Variants in SGIP1 observed in about 807,000 individuals in gnomAD.
SGIP1 encodes the protein SH3GL interacting endocytic adaptor 1, also known as SH3-containing GRB2-like protein 3-interacting protein 1.
Under a neutral mutation model 107.5 loss-of-function variants are expected in SGIP1, and 38 were observed. That is an observed-to-expected ratio of 0.35 (90% CI 0.27 to 0.46). SGIP1 has a LOEUF of 0.46. Among genes scored for constraint, SGIP1 ranks in the 20% least tolerant of loss-of-function variants. The pLI, the probability that SGIP1 is intolerant of heterozygous loss-of-function variation, is 1.00. For synonymous variants in SGIP1, 365 were observed against 366.1 expected (o/e 1.00, Z 0.03); for missense variants, 929 against 1,019.5 (o/e 0.91, Z 1.21).
chr1:66,609,756 G>C (rs1241455299), intron 1 of SGIP1, among the ~76,000 whole-genome samples: 1 of 152,178 alleles, frequency 6.6e-6, no homozygotes, highest in Non-Finnish European at 1.5e-5. Context: ...ACCTGACTAG[G>C]ATGCTAGCAA....
chr1:66,547,996 T>G (rs1006683173), intron 1 of SGIP1, among the ~76,000 whole-genome samples: 3 of 152,000 alleles, frequency 2.0e-5, no homozygotes, highest in African/African-American at 7.3e-5. Context: ...GAAGCCAGCA[T>G]GGCCAGAGAC....
intron 7 of SGIP1, 110 bp from the exon 8 acceptor site, chr1:66,660,403 A>C: frequency 4.5e-5 from 45 of 995,814 alleles, no homozygotes; most frequent in Non-Finnish European, 6.7e-5. Context: ...AGTGCCTTCG[A>C]GAGCTCCCTT....
intron 1 of SGIP1, among the ~76,000 whole-genome samples, chr1:66,548,193 A>G (rs138491250): frequency 1.4e-4 from 21 of 152,284 alleles, no homozygotes; most frequent in Admixed American, 1.3e-4. Context: ...GATGGACTTT[A>G]GTAGCTACAG....
intron 1 of SGIP1, among the ~76,000 whole-genome samples, chr1:66,612,641 T>C (rs1039730043): frequency 6.6e-6 from 1 of 152,242 alleles, no homozygotes; most frequent in African/African-American, 2.4e-5. Flanking sequence ...TTTTCTCATT[T>C]AATACAATAA....
intron 3 of SGIP1, among the ~76,000 whole-genome samples, chr1:66,633,622 T>G (rs2075235672): frequency 6.6e-6 from 1 of 152,222 alleles, no homozygotes; most frequent in Admixed American, 6.5e-5. Context: ...TGGGTTTAGA[T>G]TTAACAGTTA....
chr1:66,673,565 C>T (rs1459293326), intron 12 of SGIP1, among the ~76,000 whole-genome samples, 199 bp downstream of exon 12: 1 of 152,170 alleles, frequency 6.6e-6, no homozygotes, highest in Non-Finnish European at 1.5e-5. Flanking sequence ...TGAAACTTTA[C>T]TTCCAGAAAT....
chr1:66,617,630 T>C (rs1240993955), intron 1 of SGIP1, among the ~76,000 whole-genome samples: 1 of 152,230 alleles, frequency 6.6e-6, no homozygotes, highest in Non-Finnish European at 1.5e-5. Flanking sequence ...TTCCATTACA[T>C]GTGATTCACC....
At chr1:66,544,617 A>G (rs1008563848) in intron 1 of SGIP1, among the ~76,000 whole-genome samples, 1 of 152,154 alleles carries the variant, frequency 6.6e-6, no homozygotes, top group African/African-American at 2.4e-5. Flanking sequence ...TGAACCTTGG[A>G]AGCGGAGGCT....
chr1:66,733,383 A>C (rs1465385466), intron 20 of SGIP1, among the ~76,000 whole-genome samples: 1 of 152,204 alleles, frequency 6.6e-6, no homozygotes, highest in Non-Finnish European at 1.5e-5. Context: ...TCAGTTCCTT[A>C]ATTGCCTTAA....
At position 66,667,533 on chromosome 1, in the gene SGIP1, C is replaced by T. The variant is rs556202457; in HGVS notation, c.475C>T (p.Arg159Cys). ...TCTTCCTTTTTGCTGATCACAGAGGCGCAGCCCGGTAAGAACTCTCAACAT... is the reference window on the plus strand; with the variant it reads ...TCTTCCTTTTTGCTGATCACAGAGGTGCAGCCCGGTAAGAACTCTCAACAT... ...SPSPVRKSPR[R>C]SPGAIKRNLS... is the part of the protein sequence containing the mutation. The change falls in exon 9 of 25, where the codon CGC (arginine) becomes TGC (cysteine). Residue 159 changes from arginine to cysteine, a missense_variant. Coordinates refer to ENST00000371037, the MANE Select transcript of SGIP1 (RefSeq NM_032291.4). 3.7e-5 allele frequency: 60 copies of T among 1,613,674 alleles called. No individual in the cohort carries two copies. The highest frequency in any genetic ancestry group is 1.7e-4 in the Middle Eastern group (1 of 6,058).
At chr1:66,547,565 G>A (rs1315199913) in intron 1 of SGIP1, among the ~76,000 whole-genome samples, 1 of 152,156 alleles carries the variant, frequency 6.6e-6, no homozygotes, top group African/African-American at 2.4e-5. Context: ...GAAGAACAGA[G>A]CTCGTCGCAC....
chr1:66,606,766 A>G (rs1434746667), intron 1 of SGIP1, among the ~76,000 whole-genome samples: 10 of 152,310 alleles, frequency 6.6e-5, no homozygotes, highest in Admixed American at 6.5e-4. Context: ...TAATGCAAAA[A>G]CTATATATAT....
Position 66,535,999 on chromosome 1 carries a change from C to G in SGIP1, c.10+1631C>G, listed in dbSNP as rs1355726355. ...TCTTTTCACTTCTTGCCTTGCAAAC[C>G]ATGGCACTAAAGTATCTTCTTTGAA... On this transcript the variant is annotated intron_variant, in intron 1 of 24. Coordinates refer to ENST00000371037, the MANE Select transcript of SGIP1 (RefSeq NM_032291.4). Among the ~76,000 whole-genome samples the G allele has an allele frequency of 2.0e-5, 3 of 152,162 alleles. 1 individual carries two copies. The highest frequency in any genetic ancestry group is 4.4e-5 in the Non-Finnish European group (3 of 68,026).
intron 13 of SGIP1, among the ~76,000 whole-genome samples, chr1:66,677,684 C>T (rs1385733117): frequency 2.0e-5 from 3 of 152,170 alleles, no homozygotes. Context: ...TCCAGATAGC[C>T]GTTCACCGGT....
rs373835742 is a variant in SGIP1 at position 66,671,968 on chromosome 1, G to A, written c.533G>A (p.Arg178His). 96 of 1,614,018 alleles carry A rather than the reference G, an allele frequency of 5.9e-5. No homozygotes were observed. The Middle Eastern group carries it at 6.6e-4, about 11-fold the overall frequency. The change falls in exon 11 of 25, where the codon CGT becomes CAT. Residue 178 changes from arginine (R) to histidine (H), a missense_variant. Physicochemically the swap from Arg to His is conservative, Grantham distance 29. This residue lies in a region of SGIP1 where 588 missense variants were observed against 588.6 expected (regional missense o/e 1.00). Transcript: ENST00000371037. ...LSSEEVARPR[R>H]STPTPELISK... Reference sequence around the variant, plus strand: ...GGTGAAGAAGTGGCAAGACCCAGGCGTTCCACACCAACTCCAGAACTTATA... The same window carrying A: ...GGTGAAGAAGTGGCAAGACCCAGGCATTCCACACCAACTCCAGAACTTATA...
chr1:66,593,231 A>G (rs1406278298), intron 1 of SGIP1, among the ~76,000 whole-genome samples: 1 of 152,092 alleles, frequency 6.6e-6, no homozygotes, highest in Non-Finnish European at 1.5e-5. Context: ...GTTTGGGCAA[A>G]TATAAATAAA....
At chr1:66,583,360 A>G (rs1023773684) in intron 1 of SGIP1, among the ~76,000 whole-genome samples, 1 of 151,952 alleles carries the variant, frequency 6.6e-6, no homozygotes, top group African/African-American at 2.4e-5. Context: ...GATTCACCCC[A>G]TCCTACTGAG....
At chr1:66,590,959 T>A (rs2063522778) in intron 1 of SGIP1, among the ~76,000 whole-genome samples, 1 of 152,218 alleles carries the variant, frequency 6.6e-6, no homozygotes, top group Non-Finnish European at 1.5e-5. Context: ...CTTGTCCTCC[T>A]TTTCAAACTG....
intron 1 of SGIP1, among the ~76,000 whole-genome samples, chr1:66,596,144 T>A (rs2064621491): frequency 6.6e-6 from 1 of 152,376 alleles, no homozygotes; most frequent in South Asian, 2.1e-4. Context: ...TCAGTCACTT[T>A]GCAAGGCAGC....
Sources: allele counts gnomAD v4.1 joint callset (sites outside exome capture counted in the v4.1 genomes callset), GRCh38; gene constraint gnomAD v4.1.1; regional missense constraint gnomAD v4.1.1; transcripts MANE v1.5; gene names NCBI Gene and HGNC (gene_info 2026-07-23, HGNC 2026-07-21).